GRID2: variants seen among roughly 807,000 people sequenced by gnomAD.
GRID2 encodes the protein glutamate receptor ionotropic, delta-2.
Under a neutral mutation model 114.8 loss-of-function variants are expected in GRID2, and 33 were observed. That is an observed-to-expected ratio of 0.29 (90% CI 0.22 to 0.38). The LOEUF (loss-of-function observed/expected upper bound fraction) is 0.38. Among genes scored for constraint, GRID2 ranks in the 10% least tolerant of loss-of-function variants. The pLI is 1.00. For synonymous variants in GRID2, 505 were observed against 449.9 expected (o/e 1.12, Z -1.55); for missense variants, 1,184 against 1,257.7 (o/e 0.94, Z 0.89).
chr4:92,652,806 A>AAAT (rs1553912723), intron 2 of GRID2, among the ~76,000 whole-genome samples: 2 of 136,094 alleles, frequency 1.5e-5, no homozygotes, highest in Admixed American at 7.6e-5. Flanking sequence ...TGAAAAAAAA[A>AAAT]ATATATATAT....
chr4:92,656,060 A>G (rs1397723606), intron 2 of GRID2, among the ~76,000 whole-genome samples: 1 of 151,586 alleles, frequency 6.6e-6, no homozygotes, highest in Non-Finnish European at 1.5e-5. Flanking sequence ...AGTTTGTTGA[A>G]CATTTTATCT....
At chr4:93,524,261 G>T (rs1011660477) in intron 13 of GRID2, among the ~76,000 whole-genome samples, 7 of 152,094 alleles carry the variant, frequency 4.6e-5, no homozygotes, top group African/African-American at 1.7e-4. Context: ...AGGGAGCAGT[G>T]TATTTGCTGC....
In GRID2 at chr4:93,081,120, C is replaced by T. The variant is rs1477694459; in HGVS notation, c.245-3875C>T. Among the ~76,000 whole-genome samples, 3 of 116,942 alleles carry T rather than the reference C, an allele frequency of 2.6e-5. No homozygotes were observed. In the East Asian group the frequency reaches 8.1e-4, roughly 32 times the overall value. 76.7% of individuals were successfully genotyped at this position (116,942 alleles called of 152,430 possible). ...AACTTTGGGGGACACATTCCAACCA[C>T]AGCAGTGTATGATGTAATGTGCTAA... On this transcript the variant is annotated intron_variant, in intron 2 of 15. Transcript: ENST00000282020.
intron 2 of GRID2, among the ~76,000 whole-genome samples, chr4:92,628,080 C>G (rs1439305513): frequency 2.6e-5 from 4 of 152,054 alleles, no homozygotes; most frequent in Non-Finnish European, 4.4e-5. Context: ...TTTATTTTAT[C>G]ATCTTTGTCC....
chr4:93,807,601 T>C (rs1735056668), exon 2 of GRID2: 2 of 152,192 alleles, frequency 1.3e-5, no homozygotes, highest in South Asian at 4.1e-4. Flanking sequence ...AAAGATCACT[T>C]GGATCTTAGG....
intron 1 of GRID2, among the ~76,000 whole-genome samples, chr4:92,305,780 G>T (rs1030310255): frequency 1.3e-4 from 20 of 152,196 alleles, no homozygotes; most frequent in African/African-American, 4.8e-4. Context: ...TAATCCGTGA[G>T]AGCTGAGCGG....
chr4:92,673,381 T>C (rs528235544), intron 2 of GRID2, among the ~76,000 whole-genome samples: 2 of 152,304 alleles, frequency 1.3e-5, no homozygotes, highest in South Asian at 4.1e-4. Context: ...TTAAATACAT[T>C]GTGTGTTTTA....
At chr4:93,365,783 G>A (rs2149282303) in intron 8 of GRID2, among the ~76,000 whole-genome samples, 2 of 152,250 alleles carry the variant, frequency 1.3e-5, no homozygotes, top group East Asian at 3.9e-4. Context: ...TATTGTTGCG[G>A]GAAGTCAGGG....
At chr4:93,722,726 G>T (rs1300183131) in intron 14 of GRID2, among the ~76,000 whole-genome samples, 1 of 152,134 alleles carries the variant, frequency 6.6e-6, no homozygotes, top group East Asian at 1.9e-4. Flanking sequence ...CATCTCCACT[G>T]TTATAACCTA....
chr4:93,430,502 G>A (rs925450322), intron 10 of GRID2, among the ~76,000 whole-genome samples: 3 of 152,180 alleles, frequency 2.0e-5, no homozygotes, highest in African/African-American at 7.2e-5. Context: ...CAAAACATAT[G>A]CCACTTAACA....
At chr4:92,959,097 A>G (rs1578603387) in intron 2 of GRID2, among the ~76,000 whole-genome samples, 1 of 129,216 alleles carries the variant, frequency 7.7e-6, no homozygotes, top group Admixed American at 7.6e-5. Flanking sequence ...CTAAAGGCAT[A>G]CAGATTTTAT....
At position 93,513,758 on chromosome 4, in the gene GRID2, C is replaced by T. The variant is rs541024923; in HGVS notation, c.1998-1458C>T. Among the ~76,000 whole-genome samples, 6 of 152,190 alleles carry T rather than the reference C, an allele frequency of 3.9e-5. No individual in the cohort carries two copies. In the South Asian group the frequency reaches 1.2e-3, roughly 32 times the overall value. ...TCAATAAAATGCAGATAAAAGTTTG[C>T]TGAAAGTTACTATTAGAAATTGGCA... On this transcript the variant is annotated intron_variant, in intron 12 of 15. Coordinates refer to ENST00000282020, the MANE Select transcript of GRID2 (RefSeq NM_001510.4).
intron 2 of GRID2, among the ~76,000 whole-genome samples, chr4:92,600,528 C>T (rs772239877): frequency 6.6e-5 from 10 of 152,090 alleles, no homozygotes; most frequent in Admixed American, 1.3e-4. Context: ...CCAAGAACTA[C>T]GGGATTGTGT....
At chr4:93,537,777 C>T (rs1732242807) in intron 13 of GRID2, among the ~76,000 whole-genome samples, 1 of 151,888 alleles carries the variant, frequency 6.6e-6, no homozygotes, top group South Asian at 2.1e-4. Context: ...AAGCAAAATG[C>T]AGAACAACCC....
At chr4:92,679,792 T>C (rs942452051) in intron 2 of GRID2, among the ~76,000 whole-genome samples, 3 of 152,054 alleles carry the variant, frequency 2.0e-5, no homozygotes, top group African/African-American at 7.2e-5. Flanking sequence ...TGTCTGTCAT[T>C]AGTGTCATTA....
In GRID2 at chr4:93,253,069, G is replaced by A. The variant is rs933007987; in HGVS notation, c.1245+14579G>A. ...TCGAGACCATCCTGGCTAACACGGT[G>A]AAACCCCGTCTCTACTAAAAATACA... On this transcript the variant is annotated intron_variant, in intron 8 of 15. Coordinates refer to ENST00000282020, the MANE Select transcript of GRID2 (RefSeq NM_001510.4). Among the ~76,000 whole-genome samples, 19 of 147,068 alleles carry A rather than the reference G, an allele frequency of 1.3e-4. No homozygotes were observed. The South Asian group carries it at 4.1e-3, about 32-fold the overall frequency.
intron 2 of GRID2, among the ~76,000 whole-genome samples, chr4:92,608,685 A>G (rs1425922020): frequency 2.6e-5 from 4 of 151,822 alleles, no homozygotes; most frequent in Admixed American, 6.6e-5. Context: ...GATAAAGAAT[A>G]TCAATATCAT....
intron 1 of GRID2, among the ~76,000 whole-genome samples, chr4:92,470,461 G>T (rs1721979407): frequency 6.6e-6 from 1 of 151,518 alleles, no homozygotes; most frequent in African/African-American, 2.4e-5. Context: ...CTAAAAATAT[G>T]CATTCTTTCA....
At chr4:93,021,733 A>C (rs1386643266) in intron 2 of GRID2, among the ~76,000 whole-genome samples, 1 of 145,794 alleles carries the variant, frequency 6.9e-6, no homozygotes, top group Non-Finnish European at 1.5e-5. Flanking sequence ...TATGTATATT[A>C]TGAATATTAT....
Sources: allele counts gnomAD v4.1 joint callset (sites outside exome capture counted in the v4.1 genomes callset), GRCh38; gene constraint gnomAD v4.1.1; transcripts MANE v1.5; gene names NCBI Gene and HGNC (gene_info 2026-07-23, HGNC 2026-07-21).